Variants in MTERF1 observed in about 807,000 individuals in gnomAD.
The protein encoded by MTERF1 is transcription termination factor 1, mitochondrial.
Under a neutral mutation model 31.6 loss-of-function variants are expected in MTERF1, and 29 were observed. The ratio of observed to expected loss-of-function variants is 0.92; its 90% confidence interval spans 0.68 to 1.25. The LOEUF (loss-of-function observed/expected upper bound fraction) is 1.25, where lower values mean the gene tolerates loss of function less well. MTERF1 is among the 50% of genes most tolerant of loss of function. The pLI, the probability that MTERF1 is intolerant of heterozygous loss-of-function variation, is 0.00. For missense variants in MTERF1, 500 were observed against 469.1 expected (o/e 1.07, Z -0.61); for synonymous variants, 152 against 164.1 (o/e 0.93, Z 0.57).
At position 91,880,123 on chromosome 7, in the gene MTERF1, A is replaced by T. The variant is rs748817969; in HGVS notation, c.-30-10T>A. ...TGGAGAACAGCTATCTCTGGAAATG[A>T]CACACACACACAAAAAAAAGGCAAA... On this transcript the variant is annotated splice_polypyrimidine_tract_variant and intron_variant, in intron 1 of 2. Coordinates refer to ENST00000351870, the MANE Select transcript of MTERF1 (RefSeq NM_006980.5). The T allele has an allele frequency of 6.5e-7, 1 of 1,527,504 alleles. No individual in the cohort carries two copies. The highest frequency in any genetic ancestry group is 8.9e-7 in the Non-Finnish European group (1 of 1,122,442). The allele number at this position is 1,527,504 out of a possible 1,614,324, so 94.6% of individuals were successfully genotyped here.
At position 91,874,749 on chromosome 7, in the gene MTERF1, C is replaced by T. The variant is rs1158471517; in HGVS notation, c.45G>A (p.Leu15=). 1 of 1,602,398 alleles carries T rather than the reference C, an allele frequency of 6.2e-7. No individual in the cohort carries two copies. The highest frequency in any genetic ancestry group is 1.3e-5 in the African/African-American group (1 of 74,194). ...CTGGTGCCATAATGGTTAGGTAGTT[C>T]AAACCTTTTGAAATGCTGTGTAAAA... The part of the protein sequence containing the change: ...SLGQTSISKG[L]NYLTIMAPGN... The change falls in exon 3 of 3, where the codon TTG becomes TTA. Residue 15 remains leucine (L), a synonymous_variant. Coordinates refer to ENST00000351870, the MANE Select transcript of MTERF1 (RefSeq NM_006980.5).
Position 91,871,435 on chromosome 7 carries a change from CAGA to C in MTERF1, c.*2156_*2158del. The stretch of plus-strand genomic sequence containing the variant: ...CCTCAGAAAACACTCGCGTACAATT[CAGA>C]AGACTTAAGAAATCAATACTTTAAG... On this transcript the variant is annotated 3_prime_UTR_variant, in exon 3 of 3. Coordinates refer to ENST00000351870, the MANE Select transcript of MTERF1 (RefSeq NM_006980.5). The C allele has an allele frequency of 6.6e-6, 1 of 152,302 alleles. No individual in the cohort carries two copies. The highest frequency in any genetic ancestry group is 2.4e-5 in the African/African-American group (1 of 41,564). 9.4% of individuals were successfully genotyped at this position (152,302 alleles called of 1,614,324 possible). A position where few individuals can be genotyped will look rare whatever the true frequency, so the allele number is the denominator to read the frequency against.
In MTERF1 at chr7:91,874,157, G is replaced by C. The variant is rs779661381; in HGVS notation, c.637C>G (p.Gln213Glu). 3.7e-6 allele frequency: 6 copies of C among 1,614,156 alleles called. No individual in the cohort carries two copies. In the East Asian group the frequency reaches 1.1e-4, roughly 30 times the overall value. Residue 213 changes from glutamine to glutamate, a missense_variant, in exon 3 of 3, where the codon CAG becomes GAG. Coordinates refer to ENST00000351870, the MANE Select transcript of MTERF1 (RefSeq NM_006980.5). The stretch of plus-strand genomic sequence containing the variant: ...GCTGCCTGCAAAAATTCAACCATCT[G>C]TTTATTCAGATCAAGACTATTGGAG... ...TFSNSLDLNKQMVEFLQAAGL... is the reference protein window; with the variant it reads ...TFSNSLDLNKEMVEFLQAAGL...
At chr7:91,877,794 C>A (rs770324013) in intron 2 of MTERF1, among the ~76,000 whole-genome samples, 10 of 152,206 alleles carry the variant, frequency 6.6e-5, no homozygotes, top group Non-Finnish European at 1.3e-4. Flanking sequence ...TAAAGACCTT[C>A]TGTAGCTCTC....
At chr7:91,876,710 C>T (rs1226804675) in intron 2 of MTERF1, among the ~76,000 whole-genome samples, 2 of 152,202 alleles carry the variant, frequency 1.3e-5, no homozygotes, top group East Asian at 3.8e-4. Context: ...ACAACATAAA[C>T]ATCAAACAAC....
chr7:91,874,255 A>G lies in MTERF1; in HGVS notation c.539T>C (p.Ile180Thr), dbSNP rs748538861. The G allele has an allele frequency of 3.1e-6, 5 of 1,613,974 alleles. No individual in the cohort carries two copies. The Admixed American group carries it at 8.3e-5, about 27-fold the overall frequency. Residue 180 changes from isoleucine (I) to threonine (T), a missense_variant, in exon 3 of 3, where the codon ATA (isoleucine) becomes ACA (threonine). Ile to Thr is a moderately conservative substitution (Grantham distance 89). Coordinates refer to ENST00000351870, the MANE Select transcript of MTERF1 (RefSeq NM_006980.5). Reference sequence around the variant, plus strand: ...CAATCCAACTGAGTAGAGGAACTTTATATTATTCTCTAAGTTTAGGTTGTT... The same window carrying G: ...CAATCCAACTGAGTAGAGGAACTTTGTATTATTCTCTAAGTTTAGGTTGTT... ...SNNNLNLENN[I>T]KFLYSVGLTR... is the part of the protein sequence containing the mutation.
chr7:91,872,745 T>G lies in MTERF1; in HGVS notation c.*849A>C, dbSNP rs1164611559. The stretch of plus-strand genomic sequence containing the variant: ...TATAATTTGTCTCACGTCTTTCAGT[T>G]TATGTCAGAGCTAGATTGTATCTTG... On this transcript the variant is annotated 3_prime_UTR_variant, in exon 3 of 3. Coordinates refer to ENST00000351870, the MANE Select transcript of MTERF1 (RefSeq NM_006980.5). 6.6e-6 allele frequency: 1 copy of G among 152,202 alleles called. No individual in the cohort carries two copies. Among genetic ancestry groups the G allele is most frequent in the East Asian group, 1.9e-4 (1 of 5,200 alleles). 9.4% of individuals were successfully genotyped at this position (152,202 alleles called of 1,614,324 possible). A position where few individuals can be genotyped will look rare whatever the true frequency, so the allele number is the denominator to read the frequency against.
In MTERF1 at chr7:91,873,505, A is replaced by T; in HGVS notation, c.*89T>A. On this transcript the variant is annotated 3_prime_UTR_variant, in exon 3 of 3. Transcript: ENST00000351870. ...ATCTCCCCATCTCAAGGCCCTTAATAACATTTTAAATTAATCACTTCTGCA... is the reference window on the plus strand; with the variant it reads ...ATCTCCCCATCTCAAGGCCCTTAATTACATTTTAAATTAATCACTTCTGCA... 8.8e-7 allele frequency: 1 copy of T among 1,134,030 alleles called. No individual in the cohort carries two copies. Among genetic ancestry groups the T allele is most frequent in the Non-Finnish European group, 1.2e-6 (1 of 814,894 alleles). The allele number at this position is 1,134,030 out of a possible 1,614,324, so 70.2% of individuals were successfully genotyped here.
chr7:91,874,802 T>C (rs1162804321), intron 2 of MTERF1, 38 bp from the exon 3 acceptor site: 1 of 1,429,606 alleles, frequency 7.0e-7, no homozygotes, highest in Non-Finnish European at 9.6e-7. Flanking sequence ...CACAAATGCA[T>C]GTGTTAAACA....
intron 1 of MTERF1, 24 bp from the exon 2 acceptor site, chr7:91,880,137 A>G: frequency 1.3e-6 from 2 of 1,594,490 alleles, no homozygotes; most frequent in Non-Finnish European, 1.7e-6. Flanking sequence ...ACACACACAA[A>G]AAAAAGGCAA....
chr7:91,874,559 A>C lies in MTERF1; in HGVS notation c.235T>G (p.Leu79Val), dbSNP rs1562844265. 1 of 1,614,092 alleles carries C rather than the reference A, an allele frequency of 6.2e-7. No homozygotes were observed. Residue 79 changes from leucine to valine, a missense_variant, in exon 3 of 3, where the codon TTA (leucine) becomes GTA (valine). Transcript: ENST00000351870. ...PLKNEDLLKN[L>V]LTMGVDIDMA... ...TCAATATCTACTCCCATAGTAAGTA[A>C]GTTTTTCAGTAGGTCCTCATTTTTC...
chr7:91,880,399 A>G (rs1039029591), intron 1 of MTERF1: 1 of 259,714 alleles, frequency 3.9e-6, no homozygotes, highest in African/African-American at 2.2e-5. Context: ...AGGTAGGCAT[A>G]AGCCTTAAAA....
chr7:91,877,714 A>C (rs762277909), intron 2 of MTERF1, among the ~76,000 whole-genome samples: 10 of 152,194 alleles, frequency 6.6e-5, no homozygotes, highest in Non-Finnish European at 1.2e-4. Context: ...CTTCTCTGAC[A>C]TCCATCACTC....
chr7:91,874,090 C>G lies in MTERF1; in HGVS notation c.704G>C (p.Arg235Thr). Residue 235 changes from arginine to threonine, a missense_variant, in exon 3 of 3, where the codon AGA becomes ACA. Physicochemically the swap from Arg to Thr is moderately conservative, Grantham distance 71 (BLOSUM62 -1). Transcript: ENST00000351870. ...AAAAGGGTTTTTAAAAATTATCTTT[C>G]TGACAAAATCTGCGGGATCATTGTG... ...LGHNDPADFVRKIIFKNPFIL... is the reference protein window; with the variant it reads ...LGHNDPADFVTKIIFKNPFIL... 6.2e-7 allele frequency: 1 copy of G among 1,614,114 alleles called. No individual in the cohort carries two copies.
At chr7:91,875,530 C>T (rs1789326228) in intron 2 of MTERF1, among the ~76,000 whole-genome samples, 4 of 152,220 alleles carry the variant, frequency 2.6e-5, no homozygotes. Flanking sequence ...GCTGGGATTA[C>T]AGGTGTGAGC....
intron 2 of MTERF1, among the ~76,000 whole-genome samples, chr7:91,875,796 A>G (rs1789331986): frequency 6.6e-6 from 1 of 152,216 alleles, no homozygotes; most frequent in African/African-American, 2.4e-5. Context: ...CTTAGCTTAT[A>G]TAGACCTCTA....
intron 2 of MTERF1, among the ~76,000 whole-genome samples, chr7:91,876,342 AAT>A (rs762649864): frequency 5.9e-5 from 9 of 152,220 alleles, no homozygotes; most frequent in Non-Finnish European, 1.3e-4. Context: ...GCCTTTTTAG[AAT>A]ATATAGCTGT....
Position 91,873,677 on chromosome 7 carries a change from A to C in MTERF1, c.1117T>G (p.Leu373Val). Reference protein sequence around the residue: ...IKELVNAGCNLSTLNITLLSW... With the variant: ...IKELVNAGCNVSTLNITLLSW... ...AGAAGAGTGATGTTTAAAGTACTCA[A>C]GTTACAGCCAGCATTTACCAATTCT... is the stretch of plus-strand genomic sequence containing the variant. Residue 373 changes from leucine to valine, a missense_variant, in exon 3 of 3, where the codon TTG becomes GTG. Coordinates refer to ENST00000351870, the MANE Select transcript of MTERF1 (RefSeq NM_006980.5). The C allele has an allele frequency of 6.2e-7, 1 of 1,614,090 alleles. No homozygotes were observed. Among genetic ancestry groups the C allele is most frequent in the South Asian group, 1.1e-5 (1 of 91,080 alleles).
chr7:91,879,896 G>T (rs1037825807), intron 2 of MTERF1, among the ~76,000 whole-genome samples, 159 bp downstream of exon 2: 8 of 152,072 alleles, frequency 5.3e-5, no homozygotes, highest in African/African-American at 1.7e-4. Context: ...AGTATGAGGG[G>T]TCTAAAAAAA....
Sources: allele counts gnomAD v4.1 joint callset (sites outside exome capture counted in the v4.1 genomes callset), GRCh38; gene constraint gnomAD v4.1.1; transcripts MANE v1.5; gene names NCBI Gene and HGNC (gene_info 2026-07-23, HGNC 2026-07-21).